Variants in TMEM41B observed in about 807,000 individuals in gnomAD.
The protein encoded by TMEM41B is transmembrane protein 41B, also known as protein stasimon.
In TMEM41B, 18 loss-of-function variants were observed where a neutral mutation model predicts 31.9. That is an observed-to-expected ratio of 0.56 (90% CI 0.39 to 0.84). TMEM41B has a LOEUF of 0.84. Ranked by LOEUF, TMEM41B falls within the 40% of genes least tolerant of loss-of-function variation. The pLI is 0.00. For missense variants in TMEM41B, 322 were observed against 348.0 expected, an observed-to-expected ratio of 0.93 and a Z score of 0.59; for synonymous variants, 144 against 124.3, an observed-to-expected ratio of 1.16 and a Z score of -1.05.
chr11:9,289,064 C>T (rs1281652297), intron 3 of TMEM41B, among the ~76,000 whole-genome samples: 4 of 152,182 alleles, frequency 2.6e-5, no homozygotes, highest in South Asian at 4.1e-4. Context: ...AACGCAGTGG[C>T]GCACTCATGG....
intron 1 of TMEM41B, among the ~76,000 whole-genome samples, chr11:9,309,953 ATTG>A (rs1853514844): frequency 6.6e-6 from 1 of 151,180 alleles, no homozygotes; most frequent in African/African-American, 2.4e-5. Flanking sequence ...AAAAAAAAAT[ATTG>A]TTTTCTAGAA....
At chr11:9,309,246 C>CA (rs11390351) in intron 1 of TMEM41B, among the ~76,000 whole-genome samples, 81,790 of 149,974 alleles carry the variant, frequency 0.55, 24,006 homozygotes, top group Non-Finnish European at 0.67. Flanking sequence ...AACTCCATTT[C>CA]AAAAAAAAAG....
At chr11:9,285,084 C>CTT (rs1852806199) in intron 6 of TMEM41B, among the ~76,000 whole-genome samples, 1 of 128,360 alleles carries the variant, frequency 7.8e-6, no homozygotes, top group Non-Finnish European at 1.7e-5. Flanking sequence ...TTCTTTCCTT[C>CTT]TTTCTTTTTT....
rs2133638437 is a variant in TMEM41B at position 9,302,735 on chromosome 11, A to C, written c.122-3034T>G. ...AATTCAGATTCCCACTGAAGCAAAA[A>C]TCTGCATTTTAATGATACTCGTGAT... On this transcript the variant is annotated intron_variant, in intron 1 of 6. Transcript: ENST00000528080. 2.0e-5 allele frequency among the ~76,000 whole-genome samples: 2 copies of C among 101,072 alleles called. 1 individual carries two copies. The highest frequency in any genetic ancestry group is 7.6e-5 in the African/African-American group (2 of 26,276). The allele number at this position is 101,072 out of a possible 152,430, so 66.3% of individuals were successfully genotyped here.
chr11:9,309,460 C>T (rs1250495314), intron 1 of TMEM41B, among the ~76,000 whole-genome samples: 1 of 143,938 alleles, frequency 6.9e-6, no homozygotes, highest in Admixed American at 7.5e-5. Context: ...CATACTAATG[C>T]TTTGGTTGAT....
chr11:9,314,374 C>T lies in TMEM41B; in HGVS notation c.68G>A (p.Gly23Glu). Reference protein sequence around the residue: ...GAHHTTPVGDGAAGTRGLAAP... With the variant: ...GAHHTTPVGDEAAGTRGLAAP... ...CGCGAGACCCCGCGTCCCCGCTGCC[C>T]CGTCCCCCACGGGGGTCGTGTGGTG... Residue 23 changes from glycine (G) to glutamate (E), a missense_variant, in exon 1 of 7, where the codon GGG becomes GAG. Coordinates refer to ENST00000528080, the MANE Select transcript of TMEM41B (RefSeq NM_015012.4). The T allele has an allele frequency of 6.3e-7, 1 of 1,581,940 alleles. No individual in the cohort carries two copies.
At chr11:9,305,522 C>A (rs1853367985) in intron 1 of TMEM41B, among the ~76,000 whole-genome samples, 1 of 152,166 alleles carries the variant, frequency 6.6e-6, no homozygotes, top group African/African-American at 2.4e-5. Context: ...ATTGCTGGAA[C>A]CTGGGAGGTG....
rs762491703 is a variant in TMEM41B, at chr11:9,299,712, A to G, written c.122-11T>C. On this transcript the variant is annotated splice_polypyrimidine_tract_variant and intron_variant, in intron 1 of 6. Transcript: ENST00000528080. ...CTACCCAGGATTTTTCTGGAAGAAA[A>G]AAGAAAGTATAATTAAGATAAATAT... is the stretch of plus-strand genomic sequence containing the variant. 3.7e-5 allele frequency: 57 copies of G among 1,540,806 alleles called. No homozygotes were observed. Among genetic ancestry groups the G allele is most frequent in the Non-Finnish European group, 5.0e-5 (56 of 1,121,992 alleles).
At chr11:9,290,155 C>A (rs776391556) in intron 3 of TMEM41B, among the ~76,000 whole-genome samples, 2 of 151,908 alleles carry the variant, frequency 1.3e-5, no homozygotes, top group Non-Finnish European at 2.9e-5. Flanking sequence ...CTGAGGCAGG[C>A]GGATCACAAA....
At chr11:9,298,841 A>G (rs1398519343) in intron 2 of TMEM41B, among the ~76,000 whole-genome samples, 2 of 152,100 alleles carry the variant, frequency 1.3e-5, no homozygotes, top group Non-Finnish European at 2.9e-5. Flanking sequence ...ATACTTTGAT[A>G]TCACATTTCA....
chr11:9,301,712 T>G (rs951399874), intron 1 of TMEM41B, among the ~76,000 whole-genome samples: 40 of 152,156 alleles, frequency 2.6e-4, no homozygotes, highest in African/African-American at 9.4e-4. Flanking sequence ...TAACAAATCA[T>G]TACTGGCTGA....
intron 1 of TMEM41B, among the ~76,000 whole-genome samples, chr11:9,313,942 A>G (rs541382456): frequency 3.3e-5 from 5 of 152,268 alleles, no homozygotes; most frequent in East Asian, 1.9e-4. Flanking sequence ...TTATGACTTT[A>G]TAAGTCATAT....
At chr11:9,289,604 C>T (rs1852909539) in intron 3 of TMEM41B, among the ~76,000 whole-genome samples, 1 of 152,186 alleles carries the variant, frequency 6.6e-6, no homozygotes, top group African/African-American at 2.4e-5. Context: ...CAACCTCAAC[C>T]AGGGTATCCT....
chr11:9,285,286 T>C (rs1245431721), intron 6 of TMEM41B, among the ~76,000 whole-genome samples: 3 of 152,146 alleles, frequency 2.0e-5, no homozygotes, highest in African/African-American at 7.2e-5. Flanking sequence ...GGTTTTACCA[T>C]ATTGGCCAGG....
intron 1 of TMEM41B, chr11:9,311,666 C>A: frequency 1.2e-6 from 1 of 813,262 alleles, no homozygotes; most frequent in East Asian, 2.5e-5. Context: ...TTGGCCCTGG[C>A]TGCCTGGCAC....
rs11297732 is a variant in TMEM41B, at chr11:9,302,007, GTT to G, written c.122-2308_122-2307del. Among the ~76,000 whole-genome samples, 96 of 122,512 alleles carry G rather than the reference GTT, an allele frequency of 7.8e-4. 1 individual carries two copies. Among genetic ancestry groups the G allele is most frequent in the East Asian group, 1.4e-3 (6 of 4,430 alleles). 80.4% of individuals were successfully genotyped at this position (122,512 alleles called of 152,430 possible). On this transcript the variant is annotated intron_variant, in intron 1 of 6. Transcript: ENST00000528080. ...ATTCTCTCTTATATTATTTTTCTCGGTTTTTTTTTTTTTTTTTGAGACGGAGT... is the reference window on the plus strand; with the variant it reads ...ATTCTCTCTTATATTATTTTTCTCGGTTTTTTTTTTTTTTTGAGACGGAGT...
At chr11:9,287,875 A>G (rs1852871447) in intron 4 of TMEM41B, 69 bp from the exon 5 acceptor site, 1 of 1,118,134 alleles carries the variant, frequency 8.9e-7, no homozygotes. Context: ...TATTCACCTG[A>G]GTAAAAAGCT....
intron 5 of TMEM41B, 143 bp downstream of exon 5, chr11:9,287,559 C>T: frequency 1.8e-6 from 1 of 541,014 alleles, no homozygotes; most frequent in Non-Finnish European, 3.1e-6. Context: ...TTTATTTGGT[C>T]AGAAGATAAT....
At chr11:9,299,350 G>C (rs1437398773) in intron 2 of TMEM41B, among the ~76,000 whole-genome samples, 1 of 62,326 alleles carries the variant, frequency 1.6e-5, no homozygotes, top group Non-Finnish European at 3.5e-5. Flanking sequence ...ACACACGTGT[G>C]TGTATATAAA....
Sources: allele counts gnomAD v4.1 joint callset (sites outside exome capture counted in the v4.1 genomes callset), GRCh38; gene constraint gnomAD v4.1.1; transcripts MANE v1.5; gene names NCBI Gene and HGNC (gene_info 2026-07-23, HGNC 2026-07-21).